Variants in MTUS2 observed in about 807,000 individuals in gnomAD.
MTUS2 encodes microtubule associated scaffold protein 2, also known as microtubule-associated tumor suppressor candidate 2.
In MTUS2, 40 loss-of-function variants were observed where a neutral mutation model predicts 114.1. The observed-to-expected ratio is 0.35, with a 90% CI of 0.27 to 0.46. The LOEUF is 0.46. Ranked by LOEUF, MTUS2 falls within the 20% of genes least tolerant of loss-of-function variation. The pLI is 1.00. For synonymous variants in MTUS2, 688 were observed against 672.0 expected (o/e 1.02, Z -0.37); for missense variants, 1,679 against 1,705.4 (o/e 0.98, Z 0.27).
intron 5 of MTUS2, among the ~76,000 whole-genome samples, chr13:29,202,922 C>G (rs1895022159): frequency 6.6e-6 from 1 of 152,188 alleles, no homozygotes; most frequent in African/African-American, 2.4e-5. Flanking sequence ...AGCCGGAGCT[C>G]TCCTTTATGA....
chr13:29,127,141 AC>A (rs1593505158), intron 5 of MTUS2, among the ~76,000 whole-genome samples: 2 of 151,772 alleles, frequency 1.3e-5, no homozygotes, highest in African/African-American at 2.4e-5. Context: ...CAGCCTTAAA[AC>A]CTTAGCTTTA....
intron 2 of MTUS2, among the ~76,000 whole-genome samples, chr13:28,953,779 T>G (rs1736188549): frequency 6.6e-6 from 1 of 152,224 alleles, no homozygotes. Flanking sequence ...GCCTTTCCTT[T>G]TATGTATTTT....
chr13:29,092,708 C>A (rs1298632385), intron 4 of MTUS2, among the ~76,000 whole-genome samples: 1 of 151,906 alleles, frequency 6.6e-6, no homozygotes, highest in Non-Finnish European at 1.5e-5. Context: ...AGGCCCAGGG[C>A]CAAGTGAGGC....
chr13:29,048,843 T>G (rs1887755750), intron 4 of MTUS2, among the ~76,000 whole-genome samples: 1 of 152,216 alleles, frequency 6.6e-6, no homozygotes, highest in Non-Finnish European at 1.5e-5. Flanking sequence ...CTGTAAATCC[T>G]GGGCTCAAGC....
At chr13:29,389,994 TATGTATGTGTATATATACACATAC>T (rs1316157363) in intron 8 of MTUS2, among the ~76,000 whole-genome samples, 1 of 117,286 alleles carries the variant, frequency 8.5e-6, no homozygotes, top group African/African-American at 3.2e-5. Context: ...TATGTGTATG[TATGTATGTGTATATATACACATAC>T]ATGTATGTGT....
At chr13:29,410,263 T>A (rs570064755) in intron 8 of MTUS2, among the ~76,000 whole-genome samples, 8 of 152,268 alleles carry the variant, frequency 5.3e-5, no homozygotes, top group Middle Eastern at 6.8e-3. Context: ...TAGCTGGGAT[T>A]ACAGGTGCCC....
intron 2 of MTUS2, among the ~76,000 whole-genome samples, chr13:29,012,623 C>T (rs1056992718): frequency 6.6e-6 from 1 of 151,896 alleles, no homozygotes; most frequent in African/African-American, 2.4e-5. Flanking sequence ...CCTGTAATCC[C>T]AGCACTTTGG....
Position 29,132,400 on chromosome 13 carries a change from G to A in MTUS2, c.2644+31430G>A, listed in dbSNP as rs117606255. On this transcript the variant is annotated intron_variant, in intron 5 of 15. Transcript: ENST00000612955. The stretch of plus-strand genomic sequence containing the variant: ...ACACGACAAAATTTGGCATCTTAAC[G>A]ATGAAGTGTACAGTTCAGTGGCAGT... Among the ~76,000 whole-genome samples, 1,314 of 152,116 alleles carry A rather than the reference G, an allele frequency of 8.6e-3. 47 individuals are homozygous for A. Among genetic ancestry groups the A allele is most frequent in the East Asian group, 0.071 (368 of 5,156 alleles).
At chr13:29,016,352 C>CT (rs1332818031) in intron 2 of MTUS2, among the ~76,000 whole-genome samples, 385 of 136,592 alleles carry the variant, frequency 2.8e-3, no homozygotes, top group African/African-American at 6.5e-3. Flanking sequence ...CTGGAAAGGA[C>CT]TTTTTTTTTT....
intron 5 of MTUS2, among the ~76,000 whole-genome samples, chr13:29,175,612 T>C (rs1425011849): frequency 6.6e-6 from 1 of 152,202 alleles, no homozygotes; most frequent in African/African-American, 2.4e-5. Flanking sequence ...TTTCCAGTGT[T>C]TTGTTAGATT....
At chr13:28,831,332 C>A (rs1874663828) in intron 1 of MTUS2, among the ~76,000 whole-genome samples, 1 of 152,076 alleles carries the variant, frequency 6.6e-6, no homozygotes, top group Admixed American at 6.6e-5. Flanking sequence ...TCACTGTAGT[C>A]AAAAGGCATA....
intron 2 of MTUS2, among the ~76,000 whole-genome samples, chr13:28,868,227 A>G (rs1877414481): frequency 1.3e-5 from 2 of 152,190 alleles, no homozygotes; most frequent in South Asian, 4.1e-4. Context: ...ATAGTAATTC[A>G]TAATTTATTA....
At chr13:29,131,158 G>C (rs1891746139) in intron 5 of MTUS2, among the ~76,000 whole-genome samples, 1 of 152,212 alleles carries the variant, frequency 6.6e-6, no homozygotes, top group East Asian at 1.9e-4. Flanking sequence ...GCCTTGAACA[G>C]AGAAGCATCA....
intron 5 of MTUS2, among the ~76,000 whole-genome samples, chr13:29,188,048 A>G (rs748229643): frequency 1.3e-5 from 2 of 152,200 alleles, no homozygotes; most frequent in Non-Finnish European, 2.9e-5. Context: ...ATTTTCAAAA[A>G]TTATAAATTA....
chr13:29,165,444 T>C (rs548576728), intron 5 of MTUS2, among the ~76,000 whole-genome samples: 19 of 152,338 alleles, frequency 1.2e-4, no homozygotes, highest in African/African-American at 4.6e-4. Context: ...TTGACCTCTA[T>C]GTAGCCCATA....
In MTUS2 at chr13:29,417,814, C is replaced by T. The variant is rs562442716; in HGVS notation, c.3118-22169C>T. The stretch of plus-strand genomic sequence containing the variant: ...CTATTTTCTTGGAAAAAAATTTCAA[C>T]AGTTGAGATGTGTTGGATCTTATTT... On this transcript the variant is annotated intron_variant, in intron 8 of 15. Coordinates refer to ENST00000612955, the MANE Select transcript of MTUS2 (RefSeq NM_001033602.4). Among the ~76,000 whole-genome samples, 11 of 152,240 alleles carry T rather than the reference C, an allele frequency of 7.2e-5. No homozygotes were observed. In the South Asian group the frequency reaches 2.1e-3, roughly 29 times the overall value.
intron 2 of MTUS2, among the ~76,000 whole-genome samples, chr13:28,974,637 A>G (rs1213434551): frequency 6.6e-6 from 1 of 152,216 alleles, no homozygotes; most frequent in Admixed American, 6.5e-5. Flanking sequence ...TGTTTGTCCA[A>G]TCAATGCATA....
chr13:29,323,580 A>G (rs1900351659), intron 6 of MTUS2, among the ~76,000 whole-genome samples: 1 of 152,160 alleles, frequency 6.6e-6, no homozygotes, highest in African/African-American at 2.4e-5. Context: ...AAATCTGTAA[A>G]TACACTGATA....
chr13:29,091,835 A>G (rs146489813), intron 4 of MTUS2, among the ~76,000 whole-genome samples: 562 of 152,354 alleles, frequency 3.7e-3, no homozygotes, highest in African/African-American at 0.013. Flanking sequence ...GTAGGACTCA[A>G]CAGTGCAGCA....
Sources: allele counts gnomAD v4.1 joint callset (sites outside exome capture counted in the v4.1 genomes callset), GRCh38; gene constraint gnomAD v4.1.1; transcripts MANE v1.5; gene names NCBI Gene and HGNC (gene_info 2026-07-23, HGNC 2026-07-21).